Variants in CCDC93 observed in about 807,000 individuals in gnomAD.
The protein encoded by CCDC93 is coiled-coil domain-containing protein 93.
Under a neutral mutation model 108.2 loss-of-function variants are expected in CCDC93, and 61 were observed. The ratio of observed to expected loss-of-function variants is 0.56; its 90% CI spans 0.46 to 0.70. CCDC93 has a LOEUF of 0.70. Ranked by LOEUF, CCDC93 falls within the 30% of genes least tolerant of loss-of-function variation. The probability of loss-of-function intolerance (pLI) is 0.00; values close to 1 mark genes in which losing one functional copy is unlikely to be tolerated. For missense variants in CCDC93, 685 were observed against 764.2 expected (o/e 0.90, Z 1.22); for synonymous variants, 276 against 260.4 (o/e 1.06, Z -0.58).
intron 7 of CCDC93, among the ~76,000 whole-genome samples, chr2:117,982,755 T>TGG (rs10557674): frequency 1.8e-3 from 262 of 145,014 alleles, no homozygotes; most frequent in Middle Eastern, 7.0e-3. Flanking sequence ...CATAGTGTAG[T>TGG]GGGGGGGGGG....
chr2:118,002,347 T>C (rs1213617356), intron 3 of CCDC93, among the ~76,000 whole-genome samples: 1 of 152,204 alleles, frequency 6.6e-6, no homozygotes, highest in Non-Finnish European at 1.5e-5. Flanking sequence ...GTCTTATCTA[T>C]GATTCACTTA....
At chr2:117,924,733 A>C (rs531411839) in intron 23 of CCDC93, among the ~76,000 whole-genome samples, 3 of 152,352 alleles carry the variant, frequency 2.0e-5, no homozygotes, top group African/African-American at 7.2e-5. Flanking sequence ...GAACTTCCTC[A>C]ATCTAGCAAG....
At position 118,003,286 on chromosome 2, in the gene CCDC93, A is replaced by G. The variant is rs142309651; in HGVS notation, c.252-2354T>C. Among the ~76,000 whole-genome samples the G allele has an allele frequency of 3.6e-3, 554 of 152,326 alleles. 5 individuals are homozygous for G. The highest frequency in any genetic ancestry group is 0.013 in the African/African-American group (535 of 41,578). On this transcript the variant is annotated intron_variant, in intron 3 of 23. Transcript: ENST00000376300. ...GCAACATATCTAAGGTTCTCTGTTA[A>G]GCTTTTTTTAAAATTTTGATCTCCA...
chr2:117,936,613 G>A, intron 21 of CCDC93, 89 bp downstream of exon 21: 1 of 1,038,328 alleles, frequency 9.6e-7, no homozygotes. Flanking sequence ...ATGTACCTTT[G>A]TCAAGCACAT....
chr2:117,942,025 G>A (rs1678717344), intron 18 of CCDC93, among the ~76,000 whole-genome samples: 3 of 152,236 alleles, frequency 2.0e-5, no homozygotes, highest in Admixed American at 1.3e-4. Flanking sequence ...AGCAGCAGAT[G>A]TGAATCTCTA....
intron 6 of CCDC93, among the ~76,000 whole-genome samples, chr2:117,990,403 A>C (rs917047762): frequency 1.3e-5 from 2 of 152,232 alleles, no homozygotes; most frequent in Admixed American, 1.3e-4. Flanking sequence ...ACTGGGAATA[A>C]TCTCCTGAAG....
rs974310684 is a variant in CCDC93 at position 117,974,881 on chromosome 2, A to G, written c.770T>C (p.Met257Thr). Residue 257 changes from methionine to threonine, a missense_variant, in exon 10 of 24, where the codon ATG becomes ACG. Coordinates refer to ENST00000376300, the MANE Select transcript of CCDC93 (RefSeq NM_019044.5). ...AAEEQRIQSLMTKMTAMANEE... is the reference protein window; with the variant it reads ...AAEEQRIQSLTTKMTAMANEE... ...ATTTGCCATAGCGGTCATCTTGGTCATCAGCGACTGAATACGCTGCTGAAA... is the reference window on the plus strand; with the variant it reads ...ATTTGCCATAGCGGTCATCTTGGTCGTCAGCGACTGAATACGCTGCTGAAA... The G allele has an allele frequency of 6.4e-7, 1 of 1,568,960 alleles. No homozygotes were observed. Among genetic ancestry groups the G allele is most frequent in the East Asian group, 2.4e-5 (1 of 42,436 alleles).
chr2:117,929,371 T>C (rs1300320813), intron 23 of CCDC93, among the ~76,000 whole-genome samples: 1 of 152,194 alleles, frequency 6.6e-6, no homozygotes, highest in Non-Finnish European at 1.5e-5. Flanking sequence ...CTTAGCTGGA[T>C]CTGAAGGAAC....
intron 11 of CCDC93, among the ~76,000 whole-genome samples, chr2:117,970,114 C>G (rs1441101079): frequency 6.6e-6 from 1 of 152,136 alleles, no homozygotes; most frequent in African/African-American, 2.4e-5. Flanking sequence ...AAAAACAAAT[C>G]AAGCAAATAA....
rs201668113 is a variant in CCDC93 at position 117,969,816 on chromosome 2, A to G, written c.888+4092T>C. On this transcript the variant is annotated intron_variant, in intron 11 of 23. Coordinates refer to ENST00000376300, the MANE Select transcript of CCDC93 (RefSeq NM_019044.5). ...GCTTTAACCTTGATTCATTTTCCCCATGTCTTAGAGATAAGATTTATTAAG... is the reference window on the plus strand; with the variant it reads ...GCTTTAACCTTGATTCATTTTCCCCGTGTCTTAGAGATAAGATTTATTAAG... 7.9e-5 allele frequency among the ~76,000 whole-genome samples: 12 copies of G among 152,282 alleles called. No homozygotes were observed. The East Asian group carries it at 1.9e-3, about 24-fold the overall frequency.
chr2:117,928,827 A>G (rs1678218359), intron 23 of CCDC93, among the ~76,000 whole-genome samples: 1 of 152,238 alleles, frequency 6.6e-6, no homozygotes, highest in Non-Finnish European at 1.5e-5. Context: ...TTATTGCAGC[A>G]CTATTCCCAA....
intron 18 of CCDC93, 94 bp from the exon 19 acceptor site, chr2:117,941,391 G>A (rs765181222): frequency 6.9e-6 from 6 of 864,246 alleles, no homozygotes; most frequent in Non-Finnish European, 1.1e-5. Flanking sequence ...CCCGACCTGA[G>A]CCCAACCATG....
intron 12 of CCDC93, among the ~76,000 whole-genome samples, chr2:117,957,317 T>C (rs1411125788): frequency 2.0e-5 from 3 of 152,212 alleles, no homozygotes; most frequent in Non-Finnish European, 4.4e-5. Flanking sequence ...CAGCTTCCTC[T>C]TAGGTCTACT....
chr2:118,003,231 T>C (rs1033111779), intron 3 of CCDC93, among the ~76,000 whole-genome samples: 5 of 152,338 alleles, frequency 3.3e-5, no homozygotes, highest in South Asian at 2.1e-4. Flanking sequence ...ATGGGATAGC[T>C]TGGTAGTGAA....
In CCDC93 at chr2:117,919,013, G is replaced by A. The variant is rs1174680818; in HGVS notation, c.*1330C>T. 8 of 152,188 alleles carry A rather than the reference G, an allele frequency of 5.3e-5. No homozygotes were observed. The highest frequency in any genetic ancestry group is 5.2e-4 in the Admixed American group (8 of 15,284). The allele number at this position is 152,188 out of a possible 1,614,324, so 9.4% of individuals were successfully genotyped here. The stretch of plus-strand genomic sequence containing the variant: ...TTGCTTGACATGTTTAAGCTTTTGT[G>A]TTACTGTGCAAACCTGCCACCTGGT... On this transcript the variant is annotated 3_prime_UTR_variant, in exon 24 of 24. Transcript: ENST00000376300.
intron 7 of CCDC93, among the ~76,000 whole-genome samples, chr2:117,978,589 A>T (rs1433095013): frequency 6.6e-6 from 1 of 152,246 alleles, no homozygotes; most frequent in African/African-American, 2.4e-5. Flanking sequence ...TTTTTTAAAA[A>T]GCAAGTATAA....
At position 117,985,421 on chromosome 2, in the gene CCDC93, C is replaced by A. The variant is rs147947680; in HGVS notation, c.620+548G>T. The A allele has an allele frequency of 4.3e-5, 41 of 963,370 alleles. No individual in the cohort carries two copies. In the African/African-American group the frequency reaches 6.5e-4, roughly 15 times the overall value. The allele number at this position is 963,370 out of a possible 1,614,324, so 59.7% of individuals were successfully genotyped here. A position where few individuals can be genotyped will look rare whatever the true frequency, so the allele number is the denominator to read the frequency against. ...AATCAGTTACCCTGAGAAGAGAATG[C>A]GTGACATAAAAGGTTAATACCCAGT... On this transcript the variant is annotated intron_variant, in intron 7 of 23. Transcript: ENST00000376300.
intron 21 of CCDC93, chr2:117,936,489 C>T: frequency 2.0e-6 from 1 of 506,154 alleles, no homozygotes; most frequent in Non-Finnish European, 3.6e-6. Flanking sequence ...TTCGTCAGCT[C>T]TTCCTTCACT....
chr2:118,010,255 G>A (rs981665546), intron 1 of CCDC93, among the ~76,000 whole-genome samples: 3 of 152,194 alleles, frequency 2.0e-5, no homozygotes, highest in Admixed American at 6.5e-5. Flanking sequence ...GCGCCTGGCC[G>A]TATCTCAGCA....
Sources: gnomAD v4.1 joint callset for allele counts (sites outside exome capture counted in the v4.1 genomes callset) on GRCh38, gnomAD v4.1.1 for gene constraint, MANE v1.5 for transcripts, NCBI Gene and HGNC (gene_info 2026-07-23, HGNC 2026-07-21) for gene names.